The following SORBS2 variants were observed in gnomAD, a reference collection of about 807,000 sequenced individuals.
SORBS2 encodes sorbin and SH3 domain containing 2.
Under a neutral mutation model 97.7 loss-of-function variants are expected in SORBS2, and 46 were observed. The observed-to-expected ratio is 0.47, with a 90% CI of 0.37 to 0.60. SORBS2 has a LOEUF of 0.60. SORBS2 is among the 20% of genes least tolerant of loss of function. SORBS2 has a pLI of 0.00. For synonymous variants in SORBS2, 476 were observed against 473.4 expected (o/e 1.01, Z -0.07); for missense variants, 1,316 against 1,282.3 (o/e 1.03, Z -0.40).
intron 1 of SORBS2, among the ~76,000 whole-genome samples, chr4:185,828,651 A>T (rs1279325246): frequency 6.6e-6 from 1 of 152,126 alleles, no homozygotes; most frequent in Non-Finnish European, 1.5e-5. Context: ...TCGCCCACCG[A>T]TCACAGCAAC....
At chr4:185,709,874 TAAGAC>T (rs2098402594) in intron 2 of SORBS2, 2 of 149,214 alleles carry the variant, frequency 1.3e-5, no homozygotes, top group Non-Finnish European at 1.5e-5. Context: ...TTTTTTTTTT[TAAGAC>T]TAGTCAAGTG....
chr4:185,787,261 T>C (rs906765804), intron 1 of SORBS2, among the ~76,000 whole-genome samples: 2 of 152,110 alleles, frequency 1.3e-5, no homozygotes, highest in African/African-American at 2.4e-5. Flanking sequence ...CAGGGATACT[T>C]TGAATGGAAA....
chr4:185,822,733 G>T (rs1322849229), intron 1 of SORBS2, among the ~76,000 whole-genome samples: 1 of 152,156 alleles, frequency 6.6e-6, no homozygotes, highest in Non-Finnish European at 1.5e-5. Context: ...TTCTACAGGG[G>T]CACCACAGGC....
chr4:185,932,010 A>C (rs1038214361), intron 1 of SORBS2, among the ~76,000 whole-genome samples: 73 of 151,374 alleles, frequency 4.8e-4, no homozygotes, highest in East Asian at 7.8e-4. Context: ...CTCTATATAT[A>C]TATATATAGA....
At chr4:185,846,097 T>G (rs191828495) in intron 1 of SORBS2, among the ~76,000 whole-genome samples, 72 of 152,302 alleles carry the variant, frequency 4.7e-4, no homozygotes, top group African/African-American at 1.6e-3. Flanking sequence ...AACCTGAAAG[T>G]GAATATTTAT....
rs1475707288 is a variant in SORBS2, at chr4:185,623,830, G to A, written c.1299C>T (p.Asp433=). 9 of 1,614,094 alleles carry A rather than the reference G, an allele frequency of 5.6e-6. No homozygotes were observed. Among genetic ancestry groups the A allele is most frequent in the Non-Finnish European group, 6.8e-6 (8 of 1,180,038 alleles). The change falls in exon 7 of 15, where the codon GAC becomes GAT. Residue 433 remains aspartate, a synonymous_variant. Transcript: ENST00000418609. The surrounding 1 kb of genome is among the most constrained non-coding windows in gnomAD (Gnocchi z 6.4). ...GTTCTAGGGTTACGGGAGACAGCAT[G>A]TCATCCCCTAAATTTGGCATGGATT...
chr4:185,603,827 G>C (rs2096337044), intron 12 of SORBS2, among the ~76,000 whole-genome samples: 1 of 152,150 alleles, frequency 6.6e-6, no homozygotes, highest in East Asian at 1.9e-4. Context: ...GGAACTGTCA[G>C]CCTGCAAGTC....
intron 1 of SORBS2, among the ~76,000 whole-genome samples, chr4:185,874,940 G>A (rs190014233): frequency 2.1e-4 from 32 of 149,278 alleles, no homozygotes; most frequent in African/African-American, 7.4e-4. Flanking sequence ...TTAAAAATCC[G>A]GACTCTTTTT....
At chr4:185,872,409 C>T (rs1449121561) in intron 1 of SORBS2, among the ~76,000 whole-genome samples, 2 of 152,188 alleles carry the variant, frequency 1.3e-5, no homozygotes, top group Non-Finnish European at 2.9e-5. Context: ...AAGGGGGATA[C>T]TAACACCTCC....
At position 185,615,173 on chromosome 4, in the gene SORBS2, G is replaced by A. The variant is rs201045954; in HGVS notation, c.2352-14C>T. The A allele has an allele frequency of 9.3e-5, 134 of 1,447,586 alleles. No individual in the cohort carries two copies. In the African/African-American group the frequency reaches 9.9e-4, roughly 11 times the overall value. 89.7% of individuals were successfully genotyped at this position (1,447,586 alleles called of 1,614,324 possible). A position where few individuals can be genotyped will look rare whatever the true frequency, so the allele number is the denominator to read the frequency against. ...AATGACAACTCCCTGGAAGAGACAC[G>A]TTGACATGGTCTTTTTGTGATGTAC... is the stretch of plus-strand genomic sequence containing the variant. On this transcript the variant is annotated splice_polypyrimidine_tract_variant and intron_variant, in intron 9 of 14. Coordinates refer to ENST00000418609, the Ensembl canonical transcript of SORBS2.
chr4:185,791,329 G>A (rs2099079075), intron 1 of SORBS2, among the ~76,000 whole-genome samples: 1 of 152,172 alleles, frequency 6.6e-6, no homozygotes, highest in South Asian at 2.1e-4. Context: ...ACAGACTCAT[G>A]TTTGTGAGCT....
chr4:185,786,972 C>A (rs1365635646), intron 1 of SORBS2, among the ~76,000 whole-genome samples: 2 of 103,304 alleles, frequency 1.9e-5, no homozygotes, highest in African/African-American at 8.4e-5. Flanking sequence ...TTTTTTGAGG[C>A]TCTGTCTCAA....
chr4:185,953,139 A>AC (rs1249516588), intron 1 of SORBS2, among the ~76,000 whole-genome samples: 13 of 152,156 alleles, frequency 8.5e-5, no homozygotes, highest in Admixed American at 7.9e-4. Context: ...ACATAGTGAA[A>AC]CCCCGTCTCT....
chr4:185,867,137 G>T (rs932378973), intron 1 of SORBS2, among the ~76,000 whole-genome samples: 5 of 152,036 alleles, frequency 3.3e-5, no homozygotes, highest in Admixed American at 1.3e-4. Context: ...TCAGCCTCCT[G>T]AGTAGCTGGG....
chr4:185,936,824 G>A (rs987068579), intron 1 of SORBS2, among the ~76,000 whole-genome samples: 2 of 152,158 alleles, frequency 1.3e-5, no homozygotes, highest in African/African-American at 4.8e-5. Flanking sequence ...CCCACACTCA[G>A]CTTCTGCTCT....
intron 1 of SORBS2, among the ~76,000 whole-genome samples, chr4:185,861,371 A>T (rs2099223654): frequency 6.6e-6 from 1 of 151,884 alleles, no homozygotes; most frequent in South Asian, 2.1e-4. Flanking sequence ...TTTGGTTTAC[A>T]TGAGCATACG....
chr4:185,615,221 AC>A, intron 9 of SORBS2, 62 bp from the exon 22 acceptor site: 2 of 965,612 alleles, frequency 2.1e-6, no homozygotes, highest in East Asian at 4.8e-5. Context: ...CAAGATCAAC[AC>A]CCTCGCTAGA....
chr4:185,916,061 C>T (rs577065899), intron 1 of SORBS2, among the ~76,000 whole-genome samples: 4 of 152,086 alleles, frequency 2.6e-5, no homozygotes, highest in South Asian at 2.1e-4. Context: ...TAAGGAGAAG[C>T]GAGATCACAA....
At chr4:185,629,269 C>G (rs1036906118) in intron 5 of SORBS2, among the ~76,000 whole-genome samples, 1 of 152,000 alleles carries the variant, frequency 6.6e-6, no homozygotes, top group East Asian at 1.9e-4. Context: ...TGTGTCTTTA[C>G]GGCAATCTGT....
Sources: allele counts gnomAD v4.1 joint callset (sites outside exome capture counted in the v4.1 genomes callset), GRCh38; gene constraint gnomAD v4.1.1; non-coding constraint Gnocchi (gnomAD v3.1); transcripts MANE v1.5; gene names NCBI Gene and HGNC (gene_info 2026-07-23, HGNC 2026-07-21).